HDAC9: variants seen among roughly 807,000 people sequenced by gnomAD.
The protein encoded by HDAC9 is histone deacetylase 9, also known as MEF-2 interacting transcription repressor (MITR) protein.
Under a neutral mutation model 139.4 loss-of-function variants are expected in HDAC9, and 41 were observed. The observed-to-expected ratio is 0.29, with a 90% confidence interval of 0.23 to 0.38. HDAC9 has a LOEUF of 0.38. HDAC9 is among the 10% of genes least tolerant of loss of function. The pLI, the probability that HDAC9 is intolerant of heterozygous loss-of-function variation, is 1.00. For synonymous variants in HDAC9, 517 were observed against 476.2 expected (o/e 1.09, Z -1.12); for missense variants, 1,147 against 1,297.0 (o/e 0.88, Z 1.78).
intron 1 of HDAC9, among the ~76,000 whole-genome samples, chr7:18,409,114 A>G (rs1348695049): frequency 6.6e-6 from 1 of 152,218 alleles, no homozygotes; most frequent in East Asian, 1.9e-4. Context: ...AAAAAATTCA[A>G]GGGAATATTT....
intron 11 of HDAC9, among the ~76,000 whole-genome samples, chr7:18,663,502 G>A (rs991516119): frequency 2.6e-5 from 4 of 151,764 alleles, no homozygotes; most frequent in Non-Finnish European, 5.9e-5. Context: ...AGCATTTCCT[G>A]GACACTGGCT....
chr7:18,444,499 A>G (rs1294666781), intron 1 of HDAC9, among the ~76,000 whole-genome samples: 3 of 152,108 alleles, frequency 2.0e-5, no homozygotes, highest in Admixed American at 6.6e-5. Context: ...TTATCCCCCG[A>G]CCACTGTATA....
upstream of HDAC9, among the ~76,000 whole-genome samples, chr7:18,285,822 A>G (rs1585004772): frequency 6.6e-6 from 1 of 152,098 alleles, no homozygotes; most frequent in African/African-American, 2.4e-5. Flanking sequence ...ATATGTCAAT[A>G]AGCAAAATCT....
At chr7:18,788,250 A>T (rs1475695680) in intron 16 of HDAC9, among the ~76,000 whole-genome samples, 1 of 152,078 alleles carries the variant, frequency 6.6e-6, no homozygotes, top group Non-Finnish European at 1.5e-5. Flanking sequence ...TGTGGACTCC[A>T]TTTGGCTCCA....
At chr7:18,567,284 C>T (rs76051939) in intron 2 of HDAC9, among the ~76,000 whole-genome samples, 3 of 152,258 alleles carry the variant, frequency 2.0e-5, no homozygotes, top group African/African-American at 7.2e-5. Flanking sequence ...ACTTCTCCCC[C>T]CTAACTGGGC....
intron 11 of HDAC9, among the ~76,000 whole-genome samples, chr7:18,649,986 C>T (rs1788745166): frequency 6.6e-6 from 1 of 152,132 alleles, no homozygotes. Flanking sequence ...ATTGCTGTAG[C>T]ACTTCTCTAA....
chr7:18,649,890 T>C (rs544798287), intron 11 of HDAC9, among the ~76,000 whole-genome samples: 1 of 152,104 alleles, frequency 6.6e-6, no homozygotes, highest in Non-Finnish European at 1.5e-5. Flanking sequence ...GTGCTAGAGA[T>C]GGGGTGGCTG....
chr7:18,101,693 C>T (rs1379219504), intron 1 of HDAC9, among the ~76,000 whole-genome samples: 3 of 152,152 alleles, frequency 2.0e-5, no homozygotes, highest in Non-Finnish European at 4.4e-5. Flanking sequence ...CCATTTTGCA[C>T]AGTTATATTC....
At chr7:18,425,277 T>C (rs962035421) in intron 1 of HDAC9, among the ~76,000 whole-genome samples, 3 of 152,180 alleles carry the variant, frequency 2.0e-5, no homozygotes, top group Admixed American at 6.5e-5. Context: ...CAAGTAGATA[T>C]AGAAATAGTT....
chr7:18,508,439 T>G (rs1800455064), intron 2 of HDAC9, among the ~76,000 whole-genome samples: 1 of 152,212 alleles, frequency 6.6e-6, no homozygotes, highest in East Asian at 1.9e-4. Context: ...TAGCAGTAGG[T>G]AGGTAAGGGA....
intron 2 of HDAC9, among the ~76,000 whole-genome samples, chr7:18,167,162 T>C (rs1250074459): frequency 6.6e-6 from 1 of 152,084 alleles, no homozygotes; most frequent in African/African-American, 2.4e-5. Flanking sequence ...TGGGAAACAC[T>C]GTATGTTAAA....
intron 16 of HDAC9, among the ~76,000 whole-genome samples, chr7:18,780,768 G>T (rs1191981923): frequency 6.6e-6 from 1 of 151,996 alleles, no homozygotes; most frequent in African/African-American, 2.4e-5. Context: ...GACAAAATTT[G>T]TTAAGCATCT....
At chr7:18,835,701 C>A in intron 20 of HDAC9, 115 bp downstream of exon 20, 2 of 1,392,156 alleles carry the variant, frequency 1.4e-6, no homozygotes, top group Non-Finnish European at 2.0e-6. Context: ...CACGAGATTA[C>A]TGAATTGTCC....
intron 2 of HDAC9, among the ~76,000 whole-genome samples, chr7:18,247,941 A>G (rs1794663852): frequency 6.6e-6 from 1 of 152,192 alleles, no homozygotes; most frequent in South Asian, 2.1e-4. Context: ...AGGTTAGCTT[A>G]TAACTGTTTC....
At chr7:18,978,448 T>C (rs964725931) in intron 25 of HDAC9, among the ~76,000 whole-genome samples, 7 of 152,238 alleles carry the variant, frequency 4.6e-5, no homozygotes, top group Middle Eastern at 3.4e-3. Flanking sequence ...TATAACTACA[T>C]TGATGGGCCT....
chr7:18,540,246 C>T (rs953443835), intron 2 of HDAC9, among the ~76,000 whole-genome samples: 1 of 143,248 alleles, frequency 7.0e-6, no homozygotes, highest in African/African-American at 2.6e-5. Flanking sequence ...GCACTCCAGC[C>T]TGGGCAACAA....
chr7:18,745,575 T>A (rs1214404938), intron 13 of HDAC9, among the ~76,000 whole-genome samples: 5 of 144,502 alleles, frequency 3.5e-5, no homozygotes, highest in African/African-American at 1.3e-4. Context: ...AGTCTCGGTC[T>A]GTCGCCCAGG....
At chr7:18,915,485 C>A (rs145182562) in intron 22 of HDAC9, among the ~76,000 whole-genome samples, 359 of 151,376 alleles carry the variant, frequency 2.4e-3, no homozygotes, top group African/African-American at 8.2e-3. Flanking sequence ...TAGCTAAGGT[C>A]GAGCTTAAAG....
intron 6 of HDAC9, among the ~76,000 whole-genome samples, chr7:18,608,925 C>T (rs1220077561): frequency 6.6e-6 from 1 of 152,158 alleles, no homozygotes; most frequent in African/African-American, 2.4e-5. Flanking sequence ...TTCATATTTT[C>T]AGATTATAGG....
Sources: allele counts gnomAD v4.1 joint callset (sites outside exome capture counted in the v4.1 genomes callset), GRCh38; gene constraint gnomAD v4.1.1; transcripts MANE v1.5; gene names NCBI Gene and HGNC (gene_info 2026-07-23, HGNC 2026-07-21).